The following DAB1 variants were observed in gnomAD, a reference collection of about 807,000 sequenced individuals.
DAB1 encodes the protein disabled homolog 1.
Under a neutral mutation model 64.6 loss-of-function variants are expected in DAB1, and 15 were observed. The ratio of observed to expected loss-of-function variants is 0.23; its 90% CI spans 0.16 to 0.36. DAB1 has a LOEUF of 0.36. DAB1 is among the 10% of genes least tolerant of loss of function. The pLI is 1.00. For synonymous variants in DAB1, 235 were observed against 251.9 expected, an observed-to-expected ratio of 0.93 and a Z score of 0.64; for missense variants, 596 against 706.7, an observed-to-expected ratio of 0.84 and a Z score of 1.78.
chr1:57,440,447 A>G (rs1685897608), intron 7 of DAB1, among the ~76,000 whole-genome samples: 1 of 152,232 alleles, frequency 6.6e-6, no homozygotes, highest in Non-Finnish European at 1.5e-5. Flanking sequence ...AACTTCTTAC[A>G]TTCAGGGATA....
At chr1:57,733,851 T>C (rs1224332802) in intron 6 of DAB1, among the ~76,000 whole-genome samples, 15 of 151,954 alleles carry the variant, frequency 9.9e-5, no homozygotes, top group Admixed American at 9.8e-4. Context: ...CCCTGATCTC[T>C]AGGTGGCTTT....
At chr1:58,513,332 A>G (rs1457146828) in intron 2 of DAB1, among the ~76,000 whole-genome samples, 1 of 152,188 alleles carries the variant, frequency 6.6e-6, no homozygotes, top group African/African-American at 2.4e-5. Flanking sequence ...CTGTGAGTCA[A>G]TTAAACCTCT....
intron 4 of DAB1, among the ~76,000 whole-genome samples, chr1:58,312,478 C>T (rs187672554): frequency 1.6e-3 from 247 of 152,274 alleles, no homozygotes; most frequent in Middle Eastern, 3.4e-3. Context: ...AAGAACTGAG[C>T]TTAAGAACGG....
chr1:57,809,726 GA>G (rs1364755571), intron 6 of DAB1, among the ~76,000 whole-genome samples: 1 of 152,080 alleles, frequency 6.6e-6, no homozygotes, highest in African/African-American at 2.4e-5. Context: ...GCAACGAGTT[GA>G]AAAATGGAAA....
intron 2 of DAB1, among the ~76,000 whole-genome samples, chr1:57,273,196 A>C (rs917376630): frequency 2.6e-5 from 4 of 152,192 alleles, no homozygotes; most frequent in African/African-American, 9.7e-5. Context: ...ATGGCAACTT[A>C]TGATATTTGA....
At chr1:58,180,495 A>G (rs773134778) in intron 4 of DAB1, among the ~76,000 whole-genome samples, 1 of 151,334 alleles carries the variant, frequency 6.6e-6, no homozygotes. Context: ...AGCTCTCACT[A>G]TGTTGCCCAG....
chr1:58,205,262 C>T lies in DAB1; in HGVS notation n.310-54674G>A, dbSNP rs17117098. Among the ~76,000 whole-genome samples the T allele has an allele frequency of 8.6e-3, 1,307 of 152,256 alleles. 38 individuals are homozygous for T. The highest frequency in any genetic ancestry group is 0.061 in the East Asian group (314 of 5,176). Reference sequence around the variant, plus strand: ...AGACTTATTTTTTTTCTCTCACAGGCTCTGGTCTAATGACAGTACTATTCT... The same window carrying T: ...AGACTTATTTTTTTTCTCTCACAGGTTCTGGTCTAATGACAGTACTATTCT... On this transcript the variant is annotated intron_variant and non_coding_transcript_variant, in intron 4 of 20. Transcript: ENST00000485760.
chr1:58,424,212 A>C (rs1273323030), intron 3 of DAB1, among the ~76,000 whole-genome samples: 1 of 152,242 alleles, frequency 6.6e-6, no homozygotes, highest in Non-Finnish European at 1.5e-5. Context: ...GCTGGAAGGC[A>C]GTCAGGAAGG....
chr1:57,665,865 G>T (rs1258857315), intron 6 of DAB1, among the ~76,000 whole-genome samples: 1 of 150,128 alleles, frequency 6.7e-6, no homozygotes, highest in Non-Finnish European at 1.5e-5. Flanking sequence ...GTGTGTGTGT[G>T]TGTGTGTGTG....
intron 7 of DAB1, among the ~76,000 whole-genome samples, chr1:57,485,943 CT>C (rs897976715): frequency 6.6e-6 from 1 of 152,148 alleles, no homozygotes; most frequent in African/African-American, 2.4e-5. Flanking sequence ...TGCTGCATTT[CT>C]TTTTTTCAGT....
At position 57,117,826 on chromosome 1, in the gene DAB1, C is replaced by G. The variant is rs906763726; in HGVS notation, c.306+18717G>C. On this transcript the variant is annotated intron_variant, in intron 4 of 14. Transcript: ENST00000371236. Reference sequence around the variant, plus strand: ...TTCTAAAATGTTGAAGTCCACTTCCCTTCTGGTCCTAGTTATAAAAGGCTC... The same window carrying G: ...TTCTAAAATGTTGAAGTCCACTTCCGTTCTGGTCCTAGTTATAAAAGGCTC... Among the ~76,000 whole-genome samples the G allele has an allele frequency of 3.4e-5, 5 of 149,152 alleles. No homozygotes were observed. The Admixed American group carries it at 3.4e-4, about 10-fold the overall frequency.
chr1:58,440,059 T>C (rs893506693), intron 3 of DAB1, among the ~76,000 whole-genome samples: 34 of 152,198 alleles, frequency 2.2e-4, no homozygotes, highest in Admixed American at 1.8e-3. Flanking sequence ...TTGATGAAAT[T>C]GTGGAACCCC....
At chr1:57,061,239 G>GTT (rs1650367541) in intron 9 of DAB1, among the ~76,000 whole-genome samples, 1 of 144,382 alleles carries the variant, frequency 6.9e-6, no homozygotes, top group East Asian at 2.1e-4. Flanking sequence ...GGGGGGGGGG[G>GTT]GTGGTTTCAA....
intron 4 of DAB1, among the ~76,000 whole-genome samples, chr1:58,337,618 G>A (rs1366241678): frequency 5.3e-5 from 8 of 152,094 alleles, no homozygotes; most frequent in Non-Finnish European, 1.2e-4. Context: ...TGTAAAGTGA[G>A]AATAACAGTT....
At chr1:57,159,889 T>G (rs1229021457) in intron 2 of DAB1, among the ~76,000 whole-genome samples, 3 of 137,552 alleles carry the variant, frequency 2.2e-5, no homozygotes, top group African/African-American at 8.8e-5. Flanking sequence ...GAAAAACCTC[T>G]TGGTTTTAAG....
At chr1:57,187,539 A>G (rs191083608) in intron 2 of DAB1, among the ~76,000 whole-genome samples, 158 of 152,360 alleles carry the variant, frequency 1.0e-3, no homozygotes, top group Non-Finnish European at 1.9e-3. Context: ...AATCTGGGGC[A>G]GGTGGCTACT....
intron 4 of DAB1, among the ~76,000 whole-genome samples, chr1:58,193,841 A>C (rs1657523585): frequency 6.6e-6 from 1 of 152,070 alleles, no homozygotes; most frequent in Non-Finnish European, 1.5e-5. Context: ...GGGCAACAAA[A>C]GCAAAACTCT....
intron 4 of DAB1, among the ~76,000 whole-genome samples, chr1:57,133,338 A>G (rs1237231891): frequency 1.3e-5 from 2 of 152,216 alleles, no homozygotes; most frequent in African/African-American, 4.8e-5. Flanking sequence ...GAATAGAGTC[A>G]GTGAGGTTCA....
intron 5 of DAB1, among the ~76,000 whole-genome samples, chr1:57,928,269 C>T (rs1400957022): frequency 6.6e-6 from 1 of 152,116 alleles, no homozygotes; most frequent in Non-Finnish European, 1.5e-5. Flanking sequence ...GAGGCAACCA[C>T]TATTTTATTT....
Sources: gnomAD v4.1 joint callset for allele counts (sites outside exome capture counted in the v4.1 genomes callset) on GRCh38, gnomAD v4.1.1 for gene constraint, MANE v1.5 for transcripts, NCBI Gene and HGNC (gene_info 2026-07-23, HGNC 2026-07-21) for gene names.